The following SMOC2 variants were observed in gnomAD, a reference collection of about 807,000 sequenced individuals.
SMOC2 encodes the protein SPARC-related modular calcium-binding protein 2.
In SMOC2, 39 loss-of-function variants were observed where a neutral mutation model predicts 61.4. The observed-to-expected ratio is 0.64, with a 90% CI of 0.49 to 0.83. SMOC2 has a LOEUF of 0.83. Among genes scored for constraint, SMOC2 ranks in the 40% least tolerant of loss-of-function variants. The pLI is 0.00. For missense variants in SMOC2, 556 were observed against 592.9 expected, an observed-to-expected ratio of 0.94 and a Z score of 0.65; for synonymous variants, 247 against 239.9, an observed-to-expected ratio of 1.03 and a Z score of -0.27.
At chr6:168,608,320 T>G (rs1246807233) in intron 9 of SMOC2, 81 bp downstream of exon 9, 1 of 1,432,224 alleles carries the variant, frequency 7.0e-7, no homozygotes, top group Admixed American at 2.0e-5. Flanking sequence ...AAAAAGACTT[T>G]ATCTGACTCT....
At chr6:168,523,397 T>C (rs981966387) in intron 2 of SMOC2, among the ~76,000 whole-genome samples, 3 of 148,726 alleles carry the variant, frequency 2.0e-5, no homozygotes, top group African/African-American at 7.4e-5. Flanking sequence ...CAGTAATTCT[T>C]TTTTTTTTGT....
At chr6:168,652,547 C>A (rs1230680858) in intron 10 of SMOC2, among the ~76,000 whole-genome samples, 1 of 152,180 alleles carries the variant, frequency 6.6e-6, no homozygotes, top group African/African-American at 2.4e-5. Flanking sequence ...TGATTTGCAT[C>A]ATCTGATATT....
intron 11 of SMOC2, chr6:168,655,310 C>A (rs1787293037): frequency 2.3e-6 from 1 of 436,120 alleles, no homozygotes. Context: ...ATTGCTGTGG[C>A]CCAGACCAGT....
chr6:168,479,864 A>C (rs1268362389), intron 1 of SMOC2, among the ~76,000 whole-genome samples: 1 of 152,174 alleles, frequency 6.6e-6, no homozygotes, highest in Non-Finnish European at 1.5e-5. Flanking sequence ...AAGGTATTTA[A>C]AAGGCTGGCA....
At chr6:168,558,267 A>G (rs1784294990) in intron 7 of SMOC2, among the ~76,000 whole-genome samples, 1 of 152,156 alleles carries the variant, frequency 6.6e-6, no homozygotes, top group East Asian at 1.9e-4. Context: ...AGGCATGGGG[A>G]GGAGACGGGA....
At chr6:168,559,705 G>T (rs530920335) in intron 7 of SMOC2, among the ~76,000 whole-genome samples, 9 of 151,898 alleles carry the variant, frequency 5.9e-5, no homozygotes, top group Non-Finnish European at 1.2e-4. Context: ...TCCTTCAACC[G>T]CACCTTGTTC....
intron 8 of SMOC2, 29 bp downstream of exon 8, chr6:168,599,033 G>A (rs756796706): frequency 3.6e-5 from 56 of 1,542,628 alleles, no homozygotes; most frequent in Non-Finnish European, 4.8e-5. Context: ...CCCCCCCCGG[G>A]ACCATGGGAG....
chr6:168,626,929 T>C (rs1786427493), intron 9 of SMOC2, among the ~76,000 whole-genome samples: 1 of 152,200 alleles, frequency 6.6e-6, no homozygotes, highest in African/African-American at 2.4e-5. Context: ...GGCCTGGACC[T>C]GCCGGGAGAG....
At chr6:168,528,640 C>G (rs1783513040) in intron 4 of SMOC2, among the ~76,000 whole-genome samples, 2 of 152,330 alleles carry the variant, frequency 1.3e-5, no homozygotes, top group Non-Finnish European at 2.9e-5. Context: ...GAACTCATGA[C>G]CTCTGTGGGT....
At chr6:168,562,438 C>G (rs989069143) in intron 7 of SMOC2, among the ~76,000 whole-genome samples, 27 of 140,368 alleles carry the variant, frequency 1.9e-4, no homozygotes, top group South Asian at 2.3e-4. Flanking sequence ...ACGAGGCTCT[C>G]ACTGTGTTCT....
intron 4 of SMOC2, among the ~76,000 whole-genome samples, chr6:168,538,706 G>A (rs1469380395): frequency 1.5e-4 from 18 of 119,376 alleles, no homozygotes; most frequent in Non-Finnish European, 2.0e-4. Context: ...CTGCTGGAAT[G>A]TGAGGGGGAG....
At chr6:168,531,477 G>A (rs1159999613) in intron 4 of SMOC2, among the ~76,000 whole-genome samples, 1 of 152,224 alleles carries the variant, frequency 6.6e-6, no homozygotes, top group African/African-American at 2.4e-5. Flanking sequence ...AATGGGACCA[G>A]ATGCTTAGGA....
intron 2 of SMOC2, among the ~76,000 whole-genome samples, chr6:168,516,224 T>A (rs776872684): frequency 1.3e-5 from 2 of 152,192 alleles, no homozygotes; most frequent in Non-Finnish European, 2.9e-5. Flanking sequence ...ACTGCGGTAG[T>A]TTACACTGAT....
intron 1 of SMOC2, among the ~76,000 whole-genome samples, chr6:168,458,203 T>A (rs565990939): frequency 3.3e-5 from 5 of 152,134 alleles, no homozygotes; most frequent in Non-Finnish European, 5.9e-5. Flanking sequence ...CAGAGAGAAC[T>A]GGGATCCAGC....
intron 9 of SMOC2, among the ~76,000 whole-genome samples, chr6:168,629,110 G>A (rs564802891): frequency 5.9e-5 from 9 of 152,388 alleles, no homozygotes; most frequent in East Asian, 1.9e-4. Context: ...AGGAGGCTTC[G>A]CAGTCACTGG....
chr6:168,597,384 G>T (rs1189260560), intron 7 of SMOC2, among the ~76,000 whole-genome samples: 1 of 152,190 alleles, frequency 6.6e-6, no homozygotes, highest in African/African-American at 2.4e-5. Flanking sequence ...TTTATTGAGT[G>T]CCTATTACAA....
In SMOC2 at chr6:168,650,720, T is replaced by C. The variant is rs1472709039; in HGVS notation, c.947T>C (p.Val316Ala). Reference sequence around the variant, plus strand: ...AAAAAGCATGAGTTTCTGACCAGCGTTCTGGACGCGCTGTCCACGGACATG... The same window carrying C: ...AAAAAGCATGAGTTTCTGACCAGCGCTCTGGACGCGCTGTCCACGGACATG... Reference protein sequence around the residue: ...GAKKHEFLTSVLDALSTDMVH... With the variant: ...GAKKHEFLTSALDALSTDMVH... The change falls in exon 10 of 13, where the codon GTT (valine) becomes GCT (alanine). Residue 316 changes from valine to alanine, a missense_variant. Val to Ala is a moderately conservative substitution (Grantham distance 64). Transcript: ENST00000356284. 1 of 1,613,754 alleles carries C rather than the reference T, an allele frequency of 6.2e-7. No individual in the cohort carries two copies. The highest frequency in any genetic ancestry group is 1.3e-5 in the African/African-American group (1 of 74,944).
At chr6:168,622,666 G>T (rs1315940247) in intron 9 of SMOC2, among the ~76,000 whole-genome samples, 1 of 152,126 alleles carries the variant, frequency 6.6e-6, no homozygotes, top group Admixed American at 6.5e-5. Flanking sequence ...AGGGCTGCCT[G>T]TCTTGTCTTC....
At chr6:168,572,275 C>T (rs1333784020) in intron 7 of SMOC2, among the ~76,000 whole-genome samples, 1 of 44,910 alleles carries the variant, frequency 2.2e-5, no homozygotes, top group Non-Finnish European at 3.7e-5. Flanking sequence ...GGGCTGCGTG[C>T]TCCCTGAACG....
Sources: allele counts gnomAD v4.1 joint callset (sites outside exome capture counted in the v4.1 genomes callset), GRCh38; gene constraint gnomAD v4.1.1; transcripts MANE v1.5; gene names NCBI Gene and HGNC (gene_info 2026-07-23, HGNC 2026-07-21).